The following FAM135A variants were observed in gnomAD, a reference collection of about 807,000 sequenced individuals.
The protein encoded by FAM135A is protein FAM135A.
FAM135A carries 79 observed loss-of-function variants against 146.8 expected under a neutral mutation model. The observed-to-expected ratio is 0.54, with a 90% confidence interval of 0.45 to 0.65. The LOEUF (loss-of-function observed/expected upper bound fraction) is 0.65. Among genes scored for constraint, FAM135A ranks in the 30% least tolerant of loss-of-function variants. The probability of loss-of-function intolerance (pLI) is 0.00; values close to 1 mark genes in which losing one functional copy is unlikely to be tolerated. For missense variants in FAM135A, 1,623 were observed against 1,758.2 expected, an observed-to-expected ratio of 0.92 and a Z score of 1.38; for synonymous variants, 562 against 603.6, an observed-to-expected ratio of 0.93 and a Z score of 1.01.
intron 20 of FAM135A, among the ~76,000 whole-genome samples, chr6:70,543,971 G>A (rs1015931253): frequency 5.9e-5 from 9 of 152,114 alleles, no homozygotes; most frequent in African/African-American, 1.4e-4. Context: ...TTCAAACACT[G>A]ACTAGGCTAC....
intron 12 of FAM135A, among the ~76,000 whole-genome samples, chr6:70,507,508 T>A (rs1161087573): frequency 6.6e-6 from 1 of 152,130 alleles, no homozygotes; most frequent in African/African-American, 2.4e-5. Context: ...TCTCTCCTTA[T>A]TGGTGTGAAA....
At chr6:70,509,390 G>T (rs945247052) in intron 12 of FAM135A, among the ~76,000 whole-genome samples, 2 of 152,046 alleles carry the variant, frequency 1.3e-5, no homozygotes, top group African/African-American at 4.8e-5. Flanking sequence ...TTATGTTTTT[G>T]ATTTCATAGC....
rs1459928895 is a variant in FAM135A, at chr6:70,556,755, C to G, written c.4234C>G (p.His1412Asp). The change falls in exon 21 of 22, where the codon CAT becomes GAT. Residue 1412 changes from histidine (H) to aspartate (D), a missense_variant. Physicochemically the swap from His to Asp is moderately conservative, Grantham distance 81. This residue lies in a region of FAM135A where 138 missense variants were observed against 174.1 expected (regional missense o/e 0.79). Transcript: ENST00000418814. Reference protein sequence around the residue: ...LYKLSNKAGLHYFKNVVLVGS... With the variant: ...LYKLSNKAGLDYFKNVVLVGS... ...TTATTATATTCTATTCACAGGGCTT[C>G]ATTATTTCAAAAATGTTGTGCTAGT... 1 of 1,600,528 alleles carries G rather than the reference C, an allele frequency of 6.2e-7. No individual in the cohort carries two copies. Among genetic ancestry groups the G allele is most frequent in the East Asian group, 2.2e-5 (1 of 44,802 alleles).
At chr6:70,442,424 T>A (rs886985201) in intron 4 of FAM135A, among the ~76,000 whole-genome samples, 3 of 152,090 alleles carry the variant, frequency 2.0e-5, no homozygotes, top group Non-Finnish European at 4.4e-5. Context: ...TATAAAAAAT[T>A]TACGTGGGTC....
chr6:70,417,116 T>C (rs941230035), intron 2 of FAM135A, among the ~76,000 whole-genome samples: 2 of 152,176 alleles, frequency 1.3e-5, no homozygotes, highest in Admixed American at 6.5e-5. Context: ...GAAAAAAATT[T>C]GATAAACTAT....
chr6:70,484,821 TG>T (rs559462934), intron 10 of FAM135A, among the ~76,000 whole-genome samples: 1 of 152,194 alleles, frequency 6.6e-6, no homozygotes, highest in Non-Finnish European at 1.5e-5. Flanking sequence ...GTCTGGGTGT[TG>T]GGGTTAGACA....
In FAM135A at chr6:70,419,840, T is replaced by A. The variant is rs570110893; in HGVS notation, c.-134+4464T>A. Reference sequence around the variant, plus strand: ...GTACAATATGGCCCCTGAATCCACGTTTACTACATTCTCTGGTGTTCAGGT... The same window carrying A: ...GTACAATATGGCCCCTGAATCCACGATTACTACATTCTCTGGTGTTCAGGT... On this transcript the variant is annotated intron_variant, in intron 2 of 21. Transcript: ENST00000418814. Among the ~76,000 whole-genome samples the A allele has an allele frequency of 2.0e-5, 3 of 152,308 alleles. No individual in the cohort carries two copies. In the South Asian group the frequency reaches 6.2e-4, roughly 32 times the overall value.
chr6:70,440,865 G>A (rs1774303963), intron 4 of FAM135A, among the ~76,000 whole-genome samples: 2 of 152,026 alleles, frequency 1.3e-5, no homozygotes, highest in Non-Finnish European at 2.9e-5. Context: ...TCCAAATTCT[G>A]TTATTCCTTG....
At chr6:70,523,022 T>C (rs1205900389) in intron 13 of FAM135A, among the ~76,000 whole-genome samples, 1 of 152,304 alleles carries the variant, frequency 6.6e-6, no homozygotes, top group East Asian at 1.9e-4. Flanking sequence ...TCTTTCCTAC[T>C]GAGTAGATTT....
chr6:70,520,662 CATA>C (rs1793361307), intron 12 of FAM135A, among the ~76,000 whole-genome samples: 1 of 148,790 alleles, frequency 6.7e-6, no homozygotes, highest in South Asian at 2.1e-4. Context: ...AAAATACATA[CATA>C]TACAAAGCAG....
chr6:70,430,219 C>T (rs1263045048), intron 4 of FAM135A, among the ~76,000 whole-genome samples: 4 of 152,064 alleles, frequency 2.6e-5, no homozygotes, highest in Non-Finnish European at 5.9e-5. Flanking sequence ...CGCCTGTAAT[C>T]CCAGCTACTC....
At chr6:70,512,813 T>C (rs886867296) in intron 12 of FAM135A, among the ~76,000 whole-genome samples, 1 of 151,860 alleles carries the variant, frequency 6.6e-6, no homozygotes, top group Non-Finnish European at 1.5e-5. Context: ...TATCTTTTTT[T>C]CTTTTATGTT....
rs201611674 is a variant in FAM135A, at chr6:70,556,879, T to C, written c.4342+16T>C. Reference sequence around the variant, plus strand: ...AAACAGTCAGGTAATGGAATAAAATTATTTCAAAGAGTTATAGGTATTAAT... The same window carrying C: ...AAACAGTCAGGTAATGGAATAAAATCATTTCAAAGAGTTATAGGTATTAAT... On this transcript the variant is annotated intron_variant, in intron 21 of 21. Transcript: ENST00000418814. 6.2e-7 allele frequency: 1 copy of C among 1,605,748 alleles called. No individual in the cohort carries two copies. The highest frequency in any genetic ancestry group is 2.2e-5 in the East Asian group (1 of 44,826).
At position 70,522,593 on chromosome 6, in the gene FAM135A, A is replaced by G. The variant is rs766032039; in HGVS notation, c.1103+7A>G. On this transcript the variant is annotated splice_region_variant and intron_variant, in intron 13 of 21. Transcript: ENST00000418814. Reference sequence around the variant, plus strand: ...TTGCATACCAGGAACTTCAGTGAGTAGTATAAATTCAAAATTAAAATGATA... The same window carrying G: ...TTGCATACCAGGAACTTCAGTGAGTGGTATAAATTCAAAATTAAAATGATA... 19 of 1,608,152 alleles carry G rather than the reference A, an allele frequency of 1.2e-5. No homozygotes were observed. Among genetic ancestry groups the G allele is most frequent in the Middle Eastern group, 1.7e-4 (1 of 6,052 alleles).
chr6:70,444,506 A>T (rs1351584940), intron 4 of FAM135A, among the ~76,000 whole-genome samples: 1 of 152,196 alleles, frequency 6.6e-6, no homozygotes, highest in East Asian at 1.9e-4. Flanking sequence ...TCAAGGCTGC[A>T]ATGAGCCATG....
At chr6:70,493,287 T>G (rs1786464989) in intron 11 of FAM135A, among the ~76,000 whole-genome samples, 1 of 152,114 alleles carries the variant, frequency 6.6e-6, no homozygotes, top group Admixed American at 6.5e-5. Flanking sequence ...TGATTACATA[T>G]GAAATATTTG....
intron 7 of FAM135A, among the ~76,000 whole-genome samples, chr6:70,476,947 G>T: frequency 6.6e-6 from 1 of 152,120 alleles, no homozygotes; most frequent in East Asian, 1.9e-4. Flanking sequence ...ATCATGGACT[G>T]ATAGAAAACA....
chr6:70,524,559 T>G lies in FAM135A; in HGVS notation c.1475T>G (p.Val492Gly). 2 of 1,548,896 alleles carry G rather than the reference T, an allele frequency of 1.3e-6. No individual in the cohort carries two copies. Among genetic ancestry groups the G allele is most frequent in the Non-Finnish European group, 1.7e-6 (2 of 1,146,256 alleles). Reference sequence around the variant, plus strand: ...AATGAAGAATCAAATAAATCCAAAGTTAAGGTTACTAAGCTTATGAAAACA... The same window carrying G: ...AATGAAGAATCAAATAAATCCAAAGGTAAGGTTACTAAGCTTATGAAAACA... ...GKNEESNKSKVKVTKLMKTMK... is the reference protein window; with the variant it reads ...GKNEESNKSKGKVTKLMKTMK... The change falls in exon 15 of 22, where the codon GTT becomes GGT. Residue 492 changes from valine to glycine, a missense_variant. Around this residue, in one of 7 missense-constraint regions of FAM135A, gnomAD observed 1,061 missense variants for 1,113.8 expected, o/e 0.95. Transcript: ENST00000418814.
chr6:70,523,882 A>C, intron 13 of FAM135A, 85 bp from the exon 14 acceptor site: 1 of 1,346,718 alleles, frequency 7.4e-7, no homozygotes. Flanking sequence ...GGAATTGAGG[A>C]GGGAAGGGGA....
Sources: allele counts gnomAD v4.1 joint callset (sites outside exome capture counted in the v4.1 genomes callset), GRCh38; gene constraint gnomAD v4.1.1; regional missense constraint gnomAD v4.1.1; transcripts MANE v1.5; gene names NCBI Gene and HGNC (gene_info 2026-07-23, HGNC 2026-07-21).